Variants in LRRK1 observed in about 807,000 individuals in gnomAD.
The protein encoded by LRRK1 is leucine rich repeat kinase 1.
A neutral mutation model predicts 209.1 loss-of-function variants in LRRK1; 113 were observed. The ratio of observed to expected loss-of-function variants is 0.54; its 90% CI spans 0.46 to 0.63. The LOEUF (loss-of-function observed/expected upper bound fraction) is 0.63. LRRK1 is among the 30% of genes least tolerant of loss of function. The pLI, the probability that LRRK1 is intolerant of heterozygous loss-of-function variation, is 0.00. For synonymous variants in LRRK1, 1,144 were observed against 1,099.7 expected (o/e 1.04, Z -0.80); for missense variants, 2,284 against 2,632.2 (o/e 0.87, Z 2.89).
chr15:101,058,347 A>G (rs2035936733), intron 29 of LRRK1, among the ~76,000 whole-genome samples: 1 of 152,106 alleles, frequency 6.6e-6, no homozygotes, highest in Non-Finnish European at 1.5e-5. Context: ...TTTGTGGTTA[A>G]GAGATGCCAA....
chr15:101,024,913 G>C lies in LRRK1; in HGVS notation c.2178G>C (p.Leu726=). 1.2e-6 allele frequency: 2 copies of C among 1,614,174 alleles called. No individual in the cohort carries two copies. The highest frequency in any genetic ancestry group is 1.3e-5 in the African/African-American group (1 of 75,054). ...CCCTGTACGTGGTGGTCTGGAACCTGGCGCTGGGGGAGGAGGCCGTGGCCA... is the reference window on the plus strand; with the variant it reads ...CCCTGTACGTGGTGGTCTGGAACCTCGCGCTGGGGGAGGAGGCCGTGGCCA... The part of the protein sequence containing the change: ...DKALYVVVWN[L]ALGEEAVANL... Residue 726 remains leucine (L), a synonymous_variant, in exon 16 of 34, where the codon CTG becomes CTC. Transcript: ENST00000388948. The surrounding 1 kb of genome is among the most constrained non-coding windows in gnomAD (Gnocchi z 4.6).
rs200431192 is a variant in LRRK1, at chr15:101,065,319, A to G, written c.4915-33A>G. 1.6e-4 allele frequency: 257 copies of G among 1,598,192 alleles called. No individual in the cohort carries two copies. The African/African-American group carries it at 3.0e-3, about 19-fold the overall frequency. ...TCTCTCTTGGAATGTGTGAAATGGA[A>G]GGATGTGACACATCCCTGTCTCCTT... On this transcript the variant is annotated intron_variant, in intron 31 of 33. Transcript: ENST00000388948.
chr15:101,064,877 T>TGG (rs3840841), intron 31 of LRRK1: 40,455 of 160,834 alleles, frequency 0.25, 5,545 homozygotes, highest in Middle Eastern at 0.33. Flanking sequence ...CTCTGCCTGG[T>TGG]GGGGGGGGTG....
Position 101,058,617 on chromosome 15 carries a change from C to CGGTG in LRRK1, c.4679+478_4679+479insTGGG, listed in dbSNP as rs1555479974. Among the ~76,000 whole-genome samples, 71 of 75,340 alleles carry CGGTG rather than the reference C, an allele frequency of 9.4e-4. 2 individuals carry two copies. Among genetic ancestry groups the CGGTG allele is most frequent in the Non-Finnish European group, 1.3e-3 (59 of 45,124 alleles). 49.4% of individuals were successfully genotyped at this position (75,340 alleles called of 152,430 possible). A position where few individuals can be genotyped will look rare whatever the true frequency, so the allele number is the denominator to read the frequency against. On this transcript the variant is annotated intron_variant, in intron 29 of 33. Transcript: ENST00000388948. ...CTGCCCCAGATTGCAGAAGGGGCAA[C>CGGTG]GGGGGGGGGCGTCTAAACAGAGTTG...
At chr15:100,966,474 A>G (rs1028569810) in intron 2 of LRRK1, among the ~76,000 whole-genome samples, 2 of 152,226 alleles carry the variant, frequency 1.3e-5, no homozygotes, top group African/African-American at 4.8e-5. Flanking sequence ...AATCTTTTCT[A>G]GTTCTGTCAT....
intron 20 of LRRK1, 45 bp downstream of exon 20, chr15:101,029,277 G>A (rs557259881): frequency 2.4e-5 from 37 of 1,552,214 alleles, no homozygotes; most frequent in Admixed American, 1.1e-4. Flanking sequence ...GTTGCTCCCC[G>A]AAAGAGGGAG....
chr15:100,971,060 G>A (rs761728623), intron 2 of LRRK1, among the ~76,000 whole-genome samples: 3 of 152,166 alleles, frequency 2.0e-5, no homozygotes, highest in Admixed American at 6.5e-5. Flanking sequence ...AAGGCCAGGC[G>A]CAGCGGCTCA....
chr15:101,050,953 C>A (rs2035394485), intron 23 of LRRK1, among the ~76,000 whole-genome samples: 1 of 152,178 alleles, frequency 6.6e-6, no homozygotes, highest in African/African-American at 2.4e-5. Context: ...AGGTGCTGGG[C>A]AGTTTGACAG....
At chr15:100,999,575 G>A (rs891383668) in intron 6 of LRRK1, among the ~76,000 whole-genome samples, 2 of 152,186 alleles carry the variant, frequency 1.3e-5, no homozygotes, top group African/African-American at 4.8e-5. Flanking sequence ...CCCTTGCAAA[G>A]TAACTGGTTT....
At chr15:101,009,406 C>T (rs1298602112) in intron 7 of LRRK1, among the ~76,000 whole-genome samples, 2 of 152,110 alleles carry the variant, frequency 1.3e-5, no homozygotes, top group Non-Finnish European at 2.9e-5. Flanking sequence ...TTTTACTCTG[C>T]CTTCCAGGGA....
At chr15:101,048,468 A>T in intron 21 of LRRK1, 26 bp from the exon 22 acceptor site, 1 of 1,596,842 alleles carries the variant, frequency 6.3e-7, no homozygotes, top group East Asian at 2.3e-5. Context: ...AGAATACTTA[A>T]GCAGGGTCTT....
At chr15:100,945,724 C>T (rs2042529172) in intron 2 of LRRK1, among the ~76,000 whole-genome samples, 1 of 152,078 alleles carries the variant, frequency 6.6e-6, no homozygotes. Flanking sequence ...AACTCCTAAT[C>T]TCAGGTGATC....
chr15:100,937,063 C>G lies in LRRK1; in HGVS notation c.97+12334C>G, dbSNP rs140919906. 1.2e-3 allele frequency among the ~76,000 whole-genome samples: 180 copies of G among 152,216 alleles called. 1 individual carries two copies. The East Asian group carries it at 0.028, about 24-fold the overall frequency. On this transcript the variant is annotated intron_variant, in intron 2 of 33. Coordinates refer to ENST00000388948, the MANE Select transcript of LRRK1 (RefSeq NM_024652.6). ...GGGTAGATGTCTCACTATTGATTCT[C>G]TGTCTTTAAAGGTTATAGGTTTATG...
intron 2 of LRRK1, among the ~76,000 whole-genome samples, chr15:100,950,461 G>A (rs1480886348): frequency 1.3e-5 from 2 of 152,142 alleles, no homozygotes; most frequent in Non-Finnish European, 2.9e-5. Flanking sequence ...TAAAATCCTA[G>A]CTGAAATTCT....
At chr15:101,035,475 G>A (rs944162826) in intron 20 of LRRK1, among the ~76,000 whole-genome samples, 4 of 151,974 alleles carry the variant, frequency 2.6e-5, no homozygotes, top group African/African-American at 9.7e-5. Flanking sequence ...ATGTCTGCTT[G>A]CTTTTGGCTA....
chr15:100,931,063 A>C (rs1301680026), intron 2 of LRRK1, among the ~76,000 whole-genome samples: 1 of 152,234 alleles, frequency 6.6e-6, no homozygotes. Flanking sequence ...ATTGGGTGAC[A>C]TTTGTCATAA....
chr15:100,961,691 C>G lies in LRRK1; in HGVS notation c.98-12113C>G, dbSNP rs549540214. Among the ~76,000 whole-genome samples, 112 of 150,988 alleles carry G rather than the reference C, an allele frequency of 7.4e-4. 1 individual carries two copies. Among genetic ancestry groups the G allele is most frequent in the Admixed American group, 1.4e-3 (22 of 15,180 alleles). ...ACCATAGCAGTTGGGAACACACAAC[C>G]TAGGAAGCAGAGGATGAGCTTTGAT... On this transcript the variant is annotated intron_variant, in intron 2 of 33. Transcript: ENST00000388948.
chr15:100,952,135 T>G (rs1029933712), intron 2 of LRRK1, among the ~76,000 whole-genome samples: 1 of 152,122 alleles, frequency 6.6e-6, no homozygotes, highest in Non-Finnish European at 1.5e-5. Flanking sequence ...ACTGTAGAGA[T>G]AGAAAGTAGA....
chr15:101,061,127 C>T, intron 29 of LRRK1, 44 bp from the exon 30 acceptor site: 1 of 1,461,036 alleles, frequency 6.8e-7, no homozygotes, highest in Non-Finnish European at 9.6e-7. Context: ...AGGAGGCAGC[C>T]CCTGGCCCCC....
Sources: gnomAD v4.1 joint callset for allele counts (sites outside exome capture counted in the v4.1 genomes callset) on GRCh38, gnomAD v4.1.1 for gene constraint, Gnocchi (gnomAD v3.1) non-coding constraint, MANE v1.5 for transcripts, NCBI Gene and HGNC (gene_info 2026-07-23, HGNC 2026-07-21) for gene names.